Variants in TENM2 observed in about 807,000 individuals in gnomAD.
TENM2 encodes teneurin-2.
Under a neutral mutation model 245.2 loss-of-function variants are expected in TENM2, and 52 were observed. The observed-to-expected ratio is 0.21, with a 90% CI of 0.17 to 0.27. The LOEUF (loss-of-function observed/expected upper bound fraction) is 0.27, where lower values mean the gene tolerates loss of function less well. TENM2 is among the 10% of genes least tolerant of loss of function. The probability of loss-of-function intolerance (pLI) is 1.00; values close to 1 mark genes in which losing one functional copy is unlikely to be tolerated. For synonymous variants in TENM2, 1,363 were observed against 1,438.9 expected, an observed-to-expected ratio of 0.95 and a Z score of 1.19; for missense variants, 3,046 against 3,666.8, an observed-to-expected ratio of 0.83 and a Z score of 4.37.
At chr5:167,292,275 T>C (rs1022382448) in intron 1 of TENM2, among the ~76,000 whole-genome samples, 1 of 152,220 alleles carries the variant, frequency 6.6e-6, no homozygotes, top group African/African-American at 2.4e-5. Flanking sequence ...TCTTTACATA[T>C]CCAAGTGGGA....
At chr5:168,225,168 C>T (rs1306871043) in intron 23 of TENM2, among the ~76,000 whole-genome samples, 2 of 152,112 alleles carry the variant, frequency 1.3e-5, no homozygotes, top group Non-Finnish European at 2.9e-5. Context: ...GGAAGTGGAG[C>T]CATGGCGGTT....
chr5:167,809,036 A>G (rs1344871106), intron 2 of TENM2, among the ~76,000 whole-genome samples: 1 of 152,188 alleles, frequency 6.6e-6, no homozygotes, highest in African/African-American at 2.4e-5. Flanking sequence ...AGTTGAACAA[A>G]GAAATGTATA....
intron 5 of TENM2, among the ~76,000 whole-genome samples, chr5:168,043,912 A>G (rs1562090211): frequency 6.6e-6 from 1 of 152,238 alleles, no homozygotes. Context: ...CTGAGACTCC[A>G]TTACCCATAG....
the TENM2 span, among the ~76,000 whole-genome samples, chr5:167,011,617 T>A: frequency 6.6e-6 from 1 of 152,192 alleles, no homozygotes; most frequent in African/African-American, 2.4e-5. Context: ...TCATTCAAAT[T>A]TGTTATGTAT....
chr5:167,552,629 G>T (rs767531408), intron 2 of TENM2, among the ~76,000 whole-genome samples: 2 of 152,208 alleles, frequency 1.3e-5, no homozygotes, highest in African/African-American at 2.4e-5. Flanking sequence ...ATGCCCATCA[G>T]CACTGGAGGA....
At chr5:167,382,838 C>T (rs1761171779) in intron 2 of TENM2, among the ~76,000 whole-genome samples, 1 of 151,972 alleles carries the variant, frequency 6.6e-6, no homozygotes, top group Admixed American at 6.6e-5. Context: ...ATTCAATAAT[C>T]AAAAAGGATC....
At chr5:167,669,862 G>GTTTT (rs5873056) in intron 2 of TENM2, among the ~76,000 whole-genome samples, 1 of 148,142 alleles carries the variant, frequency 6.8e-6, no homozygotes, top group African/African-American at 2.5e-5. Context: ...CACTTTTGAG[G>GTTTT]TTTTTTTTTT....
intron 23 of TENM2, among the ~76,000 whole-genome samples, chr5:168,221,617 A>T (rs1337771027): frequency 6.6e-6 from 1 of 152,240 alleles, no homozygotes; most frequent in East Asian, 1.9e-4. Context: ...AGGAAAAAAT[A>T]ACACTATCGA....
At chr5:167,068,493 C>T in the TENM2 span, among the ~76,000 whole-genome samples, 2 of 152,102 alleles carry the variant, frequency 1.3e-5, no homozygotes, top group Middle Eastern at 6.3e-3. Flanking sequence ...AGATACCAAA[C>T]CTTATCTTTT....
chr5:167,696,900 A>ACAGT (rs1757802868), intron 2 of TENM2, among the ~76,000 whole-genome samples: 2 of 152,168 alleles, frequency 1.3e-5, no homozygotes, highest in Admixed American at 1.3e-4. Flanking sequence ...CAACCAGTTA[A>ACAGT]CAGTCTTGCT....
chr5:167,787,579 A>G (rs767985686), intron 2 of TENM2, among the ~76,000 whole-genome samples: 6 of 152,200 alleles, frequency 3.9e-5, no homozygotes, highest in Non-Finnish European at 7.3e-5. Context: ...TGTTCTATCA[A>G]TCTCAGCAGA....
intron 2 of TENM2, among the ~76,000 whole-genome samples, chr5:167,705,989 A>ATATTTATT (rs1215316587): frequency 1.6e-5 from 1 of 63,976 alleles, no homozygotes; most frequent in Non-Finnish European, 2.7e-5. Flanking sequence ...ATATATATAT[A>ATATTTATT]TATTTATTTA....
chr5:167,240,176 G>A, the TENM2 span, among the ~76,000 whole-genome samples: 1 of 151,692 alleles, frequency 6.6e-6, no homozygotes, highest in Non-Finnish European at 1.5e-5. Flanking sequence ...AAGTATTCTT[G>A]TGCTGACATG....
chr5:167,058,313 C>T, the TENM2 span, among the ~76,000 whole-genome samples: 1 of 152,116 alleles, frequency 6.6e-6, no homozygotes, highest in African/African-American at 2.4e-5. Context: ...AACTGATTGA[C>T]TCATATATTC....
chr5:167,796,387 T>G (rs1380121254), intron 2 of TENM2, among the ~76,000 whole-genome samples: 1 of 150,288 alleles, frequency 6.7e-6, no homozygotes, highest in African/African-American at 2.5e-5. Context: ...CCAGATGCAC[T>G]GACTTGCTCT....
At chr5:167,557,425 T>C (rs912519139) in intron 2 of TENM2, among the ~76,000 whole-genome samples, 2 of 152,236 alleles carry the variant, frequency 1.3e-5, no homozygotes, top group African/African-American at 2.4e-5. Flanking sequence ...TTATGAAATT[T>C]CAAGCAAGTT....
chr5:167,020,369 A>ATTT, the TENM2 span, among the ~76,000 whole-genome samples: 1 of 152,138 alleles, frequency 6.6e-6, no homozygotes, highest in Non-Finnish European at 1.5e-5. Context: ...CTCCTCTCTA[A>ATTT]TTTTACAGCT....
intron 3 of TENM2, among the ~76,000 whole-genome samples, chr5:167,938,955 A>C (rs1173751003): frequency 6.6e-6 from 1 of 152,130 alleles, no homozygotes. Context: ...AAAAAAAAAA[A>C]AAAAATTGTT....
chr5:168,136,796 T>G (rs1256024463), intron 12 of TENM2, among the ~76,000 whole-genome samples: 1 of 152,182 alleles, frequency 6.6e-6, no homozygotes, highest in Non-Finnish European at 1.5e-5. Flanking sequence ...GAATCCCAGT[T>G]TATACTCAGT....
Sources: gnomAD v4.1 joint callset for allele counts (sites outside exome capture counted in the v4.1 genomes callset) on GRCh38, gnomAD v4.1.1 for gene constraint, MANE v1.5 for transcripts, NCBI Gene and HGNC (gene_info 2026-07-23, HGNC 2026-07-21) for gene names.